Variants in PHF14 observed in about 807,000 individuals in gnomAD.
PHF14 encodes PHD finger protein 14.
PHF14 carries 55 observed loss-of-function variants against 117.9 expected under a neutral mutation model. The observed-to-expected ratio is 0.47, with a 90% CI of 0.38 to 0.58. The LOEUF (loss-of-function observed/expected upper bound fraction) is 0.58, where lower values mean the gene tolerates loss of function less well. PHF14 is among the 20% of genes least tolerant of loss of function. PHF14 has a pLI of 0.00. For missense variants in PHF14, 978 were observed against 1,122.2 expected (o/e 0.87, Z 1.84); for synonymous variants, 409 against 368.6 (o/e 1.11, Z -1.26).
intron 3 of PHF14, among the ~76,000 whole-genome samples, chr7:10,989,154 T>G: frequency 6.6e-6 from 1 of 152,202 alleles, no homozygotes; most frequent in East Asian, 1.9e-4. Context: ...ACTATATTCT[T>G]GTTGATGTTT....
chr7:11,092,462 G>C (rs1786675579), intron 16 of PHF14, among the ~76,000 whole-genome samples: 1 of 152,176 alleles, frequency 6.6e-6, no homozygotes. Flanking sequence ...TCCTAAGATA[G>C]TGGTTCTCAA....
At chr7:11,143,198 T>C (rs981487954) in intron 17 of PHF14, among the ~76,000 whole-genome samples, 4 of 152,182 alleles carry the variant, frequency 2.6e-5, no homozygotes, top group Non-Finnish European at 5.9e-5. Context: ...CCTAAATAAT[T>C]TTTTGAAGAT....
chr7:11,052,605 T>C (rs1784882715), intron 14 of PHF14, among the ~76,000 whole-genome samples: 2 of 152,220 alleles, frequency 1.3e-5, no homozygotes, highest in Admixed American at 1.3e-4. Context: ...ATGGATAATG[T>C]TTCTGTTGCT....
intron 4 of PHF14, among the ~76,000 whole-genome samples, chr7:11,003,646 A>G (rs1782961130): frequency 6.6e-6 from 1 of 152,086 alleles, no homozygotes; most frequent in African/African-American, 2.4e-5. Context: ...GAAATTACCT[A>G]TTTTTTTGTT....
At position 11,062,177 on chromosome 7, in the gene PHF14, A is replaced by G. The variant is rs998100392; in HGVS notation, c.2654+92A>G. On this transcript the variant is annotated intron_variant, in intron 16 of 17. Coordinates refer to ENST00000634607, the MANE Select transcript of PHF14 (RefSeq NM_001007157.2). Reference sequence around the variant, plus strand: ...AAAAATGAAAAAACAATTGCAGGATAAGACCTTTCTTAAAATATTATATAG... The same window carrying G: ...AAAAATGAAAAAACAATTGCAGGATGAGACCTTTCTTAAAATATTATATAG... 8.4e-6 allele frequency: 9 copies of G among 1,068,816 alleles called. No homozygotes were observed. In the African/African-American group the frequency reaches 1.4e-4, roughly 17 times the overall value. 66.2% of individuals were successfully genotyped at this position (1,068,816 alleles called of 1,614,324 possible).
At chr7:11,055,709 A>G (rs1180937583) in intron 14 of PHF14, among the ~76,000 whole-genome samples, 1 of 152,146 alleles carries the variant, frequency 6.6e-6, no homozygotes, top group Non-Finnish European at 1.5e-5. Flanking sequence ...GAGATAATCA[A>G]ATATCCTAGA....
chr7:10,987,180 A>C (rs1782253221), intron 3 of PHF14, among the ~76,000 whole-genome samples: 2 of 152,186 alleles, frequency 1.3e-5, no homozygotes, highest in Non-Finnish European at 2.9e-5. Flanking sequence ...TGAGTCCTAA[A>C]AAAAGGTTAG....
At chr7:11,147,516 C>A (rs1391351972) in intron 17 of PHF14, among the ~76,000 whole-genome samples, 2 of 152,192 alleles carry the variant, frequency 1.3e-5, no homozygotes, top group Non-Finnish European at 2.9e-5. Flanking sequence ...CACTTACAAT[C>A]TCTTTCTTAT....
chr7:11,107,155 C>T, intron 16 of PHF14: 4 of 984,604 alleles, frequency 4.1e-6, no homozygotes, highest in Non-Finnish European at 4.8e-6. Flanking sequence ...CTTTTGGCCT[C>T]TTAGGCATTC....
intron 16 of PHF14, among the ~76,000 whole-genome samples, chr7:11,086,203 A>G (rs774725993): frequency 1.8e-4 from 27 of 152,192 alleles, no homozygotes; most frequent in African/African-American, 4.6e-4. Context: ...ATTTGTTACT[A>G]TTGTACTCAA....
chr7:10,996,976 G>C (rs1186720205), intron 4 of PHF14, among the ~76,000 whole-genome samples: 1 of 152,162 alleles, frequency 6.6e-6, no homozygotes, highest in Non-Finnish European at 1.5e-5. Context: ...TCACCAATGG[G>C]TGGCCAAATT....
rs770932925 is a variant in PHF14 at position 10,982,691 on chromosome 7, G to A, written c.432G>A (p.Val144=). 3 of 1,605,064 alleles carry A rather than the reference G, an allele frequency of 1.9e-6. No individual in the cohort carries two copies. The highest frequency in any genetic ancestry group is 2.7e-5 in the African/African-American group (2 of 74,840). Residue 144 remains valine, a synonymous_variant, in exon 3 of 18, where the codon GTG becomes GTA. Coordinates refer to ENST00000634607, the MANE Select transcript of PHF14 (RefSeq NM_001007157.2). ...EKEKATVSEN[V]AASAAATTPA... ...AAAAAGCAACAGTATCTGAGAATGT[G>A]GCTGCTTCTGCTGCTGCCACCACAC...
chr7:11,146,604 T>C (rs995024048), intron 17 of PHF14, among the ~76,000 whole-genome samples: 1 of 152,210 alleles, frequency 6.6e-6, no homozygotes, highest in Non-Finnish European at 1.5e-5. Context: ...GATTTGAATT[T>C]GAGTATCTAT....
rs549055173 is a variant in PHF14, at chr7:11,018,465, T to A, written c.1206-4403T>A. Among the ~76,000 whole-genome samples, 23 of 152,256 alleles carry A rather than the reference T, an allele frequency of 1.5e-4. No homozygotes were observed. In the East Asian group the frequency reaches 3.1e-3, roughly 20 times the overall value. ...GTTGTTATTATAGAAATCTTTTACT[T>A]CTTTAAGTTAATTCCTAGGTATTTA... is the stretch of plus-strand genomic sequence containing the variant. On this transcript the variant is annotated intron_variant, in intron 5 of 17. Transcript: ENST00000634607.
chr7:11,126,715 T>C (rs1023335393), intron 17 of PHF14, among the ~76,000 whole-genome samples: 1 of 150,992 alleles, frequency 6.6e-6, no homozygotes, highest in African/African-American at 2.4e-5. Flanking sequence ...GATAGCAATG[T>C]CCCTAATAGG....
intron 16 of PHF14, among the ~76,000 whole-genome samples, chr7:11,074,876 T>G (rs1197828446): frequency 6.6e-6 from 1 of 151,714 alleles, no homozygotes; most frequent in East Asian, 1.9e-4. Context: ...CTCAGCCCTC[T>G]AAACTCTTCC....
chr7:11,068,349 C>CAAAAAAA (rs10659513), intron 16 of PHF14, among the ~76,000 whole-genome samples: 4 of 66,728 alleles, frequency 6.0e-5, no homozygotes, highest in African/African-American at 1.7e-4. Context: ...GACTCCGTCT[C>CAAAAAAA]AAAAAAAAAA....
chr7:11,018,456 T>C (rs1224429142), intron 5 of PHF14, among the ~76,000 whole-genome samples: 1 of 152,158 alleles, frequency 6.6e-6, no homozygotes, highest in African/African-American at 2.4e-5. Context: ...ATTATAGAAA[T>C]CTTTTACTTC....
At chr7:11,000,640 T>C (rs1202140023) in intron 4 of PHF14, among the ~76,000 whole-genome samples, 2 of 152,116 alleles carry the variant, frequency 1.3e-5, no homozygotes, top group Non-Finnish European at 1.5e-5. Context: ...CACCCACCCT[T>C]ATTTACCTTT....
Sources: gnomAD v4.1 joint callset for allele counts (sites outside exome capture counted in the v4.1 genomes callset) on GRCh38, gnomAD v4.1.1 for gene constraint, MANE v1.5 for transcripts, NCBI Gene and HGNC (gene_info 2026-07-23, HGNC 2026-07-21) for gene names.